The following ANKRD37 variants were observed in gnomAD, a reference collection of about 807,000 sequenced individuals.
ANKRD37 encodes ankyrin repeat domain-containing protein 37.
A neutral mutation model predicts 19.7 loss-of-function variants in ANKRD37; 17 were observed. The observed-to-expected ratio is 0.86, with a 90% CI of 0.59 to 1.29. The LOEUF (loss-of-function observed/expected upper bound fraction) is 1.29. Ranked by LOEUF, ANKRD37 falls within the 50% of genes most tolerant of loss-of-function variation. ANKRD37 has a pLI of 0.00. For synonymous variants in ANKRD37, 79 were observed against 74.5 expected (o/e 1.06, Z -0.31); for missense variants, 207 against 190.4 (o/e 1.09, Z -0.51).
At chr4:185,399,080 A>G in intron 3 of ANKRD37, 52 bp downstream of exon 3, 1 of 1,447,898 alleles carries the variant, frequency 6.9e-7, no homozygotes, top group Non-Finnish European at 9.7e-7. Context: ...GATTAAACTA[A>G]TCAGACTCCT....
chr4:185,400,413 AG>A, downstream of ANKRD37: 1 of 1,613,672 alleles, frequency 6.2e-7, no homozygotes, highest in South Asian at 1.1e-5. Context: ...TTGGTCGCTG[AG>A]GAAGACATAA....
rs374073662 is a variant in ANKRD37, at chr4:185,398,922, C to T, written c.181-15C>T. 18 of 1,608,404 alleles carry T rather than the reference C, an allele frequency of 1.1e-5. No homozygotes were observed. The highest frequency in any genetic ancestry group is 2.7e-5 in the African/African-American group (2 of 74,744). On this transcript the variant is annotated splice_polypyrimidine_tract_variant and intron_variant, in intron 2 of 4. Transcript: ENST00000335174. ...TGTTTTTGGGAGACTCTAAAATGCA[C>T]CATCTTACCTTAAGGATGTTTTAGG...
chr4:185,397,013 T>G, intron 1 of ANKRD37, 63 bp downstream of exon 1: 2 of 1,611,008 alleles, frequency 1.2e-6, no homozygotes, highest in Non-Finnish European at 1.7e-6. Flanking sequence ...TAGATTCGTC[T>G]TCTCGTTAAT....
chr4:185,398,018 C>G (rs1193603968), intron 2 of ANKRD37, among the ~76,000 whole-genome samples: 1 of 152,124 alleles, frequency 6.6e-6, no homozygotes, highest in East Asian at 1.9e-4. Flanking sequence ...AGTGCAATGG[C>G]GCGATCTCGG....
chr4:185,399,463 C>G, intron 3 of ANKRD37, 107 bp from the exon 4 acceptor site: 1 of 1,225,326 alleles, frequency 8.2e-7, no homozygotes, highest in Non-Finnish European at 1.2e-6. Flanking sequence ...TTTACCTCTT[C>G]TGTTCTGCAA....
In ANKRD37 at chr4:185,399,770, G is replaced by A. The variant is rs2095510909; in HGVS notation, c.473G>A (p.Cys158Tyr). 1 of 1,614,044 alleles carries A rather than the reference G, an allele frequency of 6.2e-7. No homozygotes were observed. The highest frequency in any genetic ancestry group is 8.5e-7 in the Non-Finnish European group (1 of 1,179,982). ...GAAAATACCAGTGGGAAAAGGAAGT[G>A]CTGGTAAGTAACTCAGAGCTGCTGC... ...SVENTSGKRKC is the reference protein window; with the variant it reads ...SVENTSGKRKY Residue 158 changes from cysteine (C) to tyrosine (Y), a missense_variant, in exon 4 of 5, where the codon TGC (cysteine) becomes TAC (tyrosine). Physicochemically the swap from Cys to Tyr is radical, Grantham distance 194 (BLOSUM62 -2). Transcript: ENST00000335174.
intron 3 of ANKRD37, 97 bp downstream of exon 3, chr4:185,399,125 T>A (rs2095509863): frequency 2.0e-6 from 2 of 992,246 alleles, no homozygotes; most frequent in Admixed American, 2.2e-5. Context: ...AAAATAATGC[T>A]TGCGTAATTG....
Position 185,399,712 on chromosome 4 carries a change from G to A in ANKRD37, c.415G>A (p.Val139Met), listed in dbSNP as rs753768304. 5.0e-6 allele frequency: 8 copies of A among 1,614,026 alleles called. No homozygotes were observed. The highest frequency in any genetic ancestry group is 1.3e-5 in the African/African-American group (1 of 74,934). Reference sequence around the variant, plus strand: ...CCCTGACAGGAATGATTGTGTTGCCGTGCTCAGACAGAAACGGAGTCTCGG... The same window carrying A: ...CCCTGACAGGAATGATTGTGTTGCCATGCTCAGACAGAAACGGAGTCTCGG... Reference protein sequence around the residue: ...EHPDRNDCVAVLRQKRSLGSV... With the variant: ...EHPDRNDCVAMLRQKRSLGSV... Residue 139 changes from valine (V) to methionine (M), a missense_variant, in exon 4 of 5, where the codon GTG (valine) becomes ATG (methionine). Transcript: ENST00000335174.
downstream of ANKRD37, chr4:185,400,418 G>T: frequency 6.2e-7 from 1 of 1,613,706 alleles, no homozygotes; most frequent in Non-Finnish European, 8.5e-7. Flanking sequence ...CGCTGAGGAA[G>T]ACATAAGTTA....
chr4:185,400,367 CTGCAGTCTT>C, downstream of ANKRD37: 4 of 1,514,274 alleles, frequency 2.6e-6, no homozygotes, highest in Non-Finnish European at 3.7e-6. Context: ...TACCACTCTA[CTGCAGTCTT>C]TGACTCCAAG....
Position 185,396,903 on chromosome 4 carries a change from G to A in ANKRD37, c.-21G>A, listed in dbSNP as rs375548764. The stretch of plus-strand genomic sequence containing the variant: ...CCTCTCTGCACTTCCAAGGACTCTT[G>A]TCATCTGCCTTAGGCGGGAAATGCT... On this transcript the variant is annotated 5_prime_UTR_variant, in exon 1 of 5. Transcript: ENST00000335174. 6 of 1,613,008 alleles carry A rather than the reference G, an allele frequency of 3.7e-6. No homozygotes were observed. In the African/African-American group the frequency reaches 8.0e-5, roughly 22 times the overall value.
chr4:185,398,903 T>G, intron 2 of ANKRD37, 34 bp from the exon 3 acceptor site: 2 of 1,565,154 alleles, frequency 1.3e-6, no homozygotes, highest in Non-Finnish European at 1.8e-6. Flanking sequence ...AAAGTGTTTT[T>G]GGGAGACTCT....
At chr4:185,398,089 G>T (rs2095507790) in intron 2 of ANKRD37, among the ~76,000 whole-genome samples, 1 of 152,100 alleles carries the variant, frequency 6.6e-6, no homozygotes, top group Non-Finnish European at 1.5e-5. Flanking sequence ...TCCCTAGTAG[G>T]TGGGATTACA....
intron 3 of ANKRD37, 98 bp downstream of exon 3, chr4:185,399,126 T>A: frequency 2.0e-6 from 2 of 994,018 alleles, no homozygotes; most frequent in Non-Finnish European, 3.1e-6. Context: ...AAATAATGCT[T>A]GCGTAATTGA....
At chr4:185,398,478 C>G (rs1387416096) in intron 2 of ANKRD37, among the ~76,000 whole-genome samples, 1 of 152,122 alleles carries the variant, frequency 6.6e-6, no homozygotes. Flanking sequence ...TTGGCTATCC[C>G]TAATGTAATC....
intron 4 of ANKRD37, 104 bp downstream of exon 4, chr4:185,399,877 T>C: frequency 1.3e-6 from 2 of 1,547,606 alleles, no homozygotes; most frequent in Non-Finnish European, 1.7e-6. Flanking sequence ...CTAGTAGTAT[T>C]GTTTCATTCT....
At chr4:185,400,396 A>G (rs1197757182), downstream of ANKRD37, 3 of 1,611,606 alleles carry the variant, frequency 1.9e-6, no homozygotes, top group African/African-American at 2.7e-5. Flanking sequence ...GATATTTTAA[A>G]TCATATTTGG....
At chr4:185,400,507 C>T (rs970789449), downstream of ANKRD37, 2 of 1,555,596 alleles carry the variant, frequency 1.3e-6, no homozygotes, top group Non-Finnish European at 1.8e-6. Flanking sequence ...AAAGGAAAGC[C>T]TTTTACAAAG....
At chr4:185,397,400 A>C in intron 2 of ANKRD37, 98 bp downstream of exon 2, 1 of 1,457,934 alleles carries the variant, frequency 6.9e-7, no homozygotes, top group Non-Finnish European at 9.2e-7. Context: ...TGTTAAAAAC[A>C]TGTCTATAGC....
Sources: allele counts gnomAD v4.1 joint callset (sites outside exome capture counted in the v4.1 genomes callset), GRCh38; gene constraint gnomAD v4.1.1; transcripts MANE v1.5; gene names NCBI Gene and HGNC (gene_info 2026-07-23, HGNC 2026-07-21).